Variants in CERS1 observed in about 807,000 individuals in gnomAD.
CERS1 encodes Embryonic growth/differentiation factor 1.
Under a neutral mutation model 35.7 loss-of-function variants are expected in CERS1, and 16 were observed. That is an observed-to-expected ratio of 0.45 (90% CI 0.30 to 0.68). The LOEUF is 0.68. Ranked by LOEUF, CERS1 falls within the 30% of genes least tolerant of loss-of-function variation. The pLI, the probability that CERS1 is intolerant of heterozygous loss-of-function variation, is 0.08. For synonymous variants in CERS1, 243 were observed against 201.6 expected (o/e 1.21, Z -1.74); for missense variants, 454 against 453.9 (o/e 1.00, Z 0.00).
At chr19:18,889,049 G>A (rs1422228766) in intron 2 of CERS1, among the ~76,000 whole-genome samples, 1 of 151,380 alleles carries the variant, frequency 6.6e-6, no homozygotes, top group Non-Finnish European at 1.5e-5. Context: ...GCATCCCCAC[G>A]CCTGGCTAAT....
intron 4 of CERS1, 85 bp from the exon 5 acceptor site, chr19:18,879,473 CT>C: frequency 6.8e-7 from 1 of 1,471,406 alleles, no homozygotes. Context: ...TAGACCCACC[CT>C]TGCCCCCTTA....
At chr19:18,888,896 T>C (rs2056427944) in intron 2 of CERS1, among the ~76,000 whole-genome samples, 1 of 148,358 alleles carries the variant, frequency 6.7e-6, no homozygotes, top group Non-Finnish European at 1.5e-5. Context: ...TTTCTTTTTT[T>C]TTTTTTTTTT....
In CERS1 at chr19:18,869,477, C is replaced by T. The variant is rs2055922375; in HGVS notation, c.*595-87G>A. 9.3e-6 allele frequency: 13 copies of T among 1,400,424 alleles called. No homozygotes were observed. The South Asian group carries it at 1.6e-4, about 17-fold the overall frequency. 86.7% of individuals were successfully genotyped at this position (1,400,424 alleles called of 1,614,324 possible). A position where few individuals can be genotyped will look rare whatever the true frequency, so the allele number is the denominator to read the frequency against. On this transcript the variant is annotated intron_variant, in intron 7 of 7. Transcript: ENST00000623882. ...GGTTAGGGACAGGGAGGAAGGTGAA[C>T]GCTGGGGCTCGGGGCGCACCGTCTG...
chr19:18,877,095 G>C (rs982362884), intron 6 of CERS1, among the ~76,000 whole-genome samples: 2 of 152,216 alleles, frequency 1.3e-5, no homozygotes, highest in Non-Finnish European at 2.9e-5. Context: ...AACTCCGGCT[G>C]TCCTTGGAGA....
chr19:18,871,430 C>T (rs965245374), intron 6 of CERS1, among the ~76,000 whole-genome samples: 6 of 152,074 alleles, frequency 3.9e-5, no homozygotes, highest in Non-Finnish European at 8.8e-5. Flanking sequence ...CCATATCACC[C>T]AAGCTGGTCT....
chr19:18,884,222 T>C lies in CERS1; in HGVS notation c.455A>G (p.Tyr152Cys), dbSNP rs774488577. The C allele has an allele frequency of 2.5e-6, 4 of 1,613,316 alleles. No homozygotes were observed. Among genetic ancestry groups the C allele is most frequent in the African/African-American group, 1.3e-5 (1 of 74,872 alleles). ...GCCATAGAAGCTTCCCTGGAGCAGG[T>C]AGGCGGCTGCAATGTCCCGTGGCAC... ...MAVPRDIAAAYLLQGSFYGHS... is the reference protein window; with the variant it reads ...MAVPRDIAAACLLQGSFYGHS... The change falls in exon 3 of 8, where the codon TAC becomes TGC. Residue 152 changes from tyrosine to cysteine, a missense_variant. Physicochemically the swap from Tyr to Cys is radical, Grantham distance 194. Coordinates refer to ENST00000623882, the MANE Select transcript of CERS1 (RefSeq NM_021267.5).
intron 2 of CERS1, among the ~76,000 whole-genome samples, chr19:18,887,805 T>C (rs2056397803): frequency 6.6e-6 from 1 of 151,672 alleles, no homozygotes; most frequent in Admixed American, 6.6e-5. Flanking sequence ...ATCTAAGCCA[T>C]TTGTTAAGTA....
At chr19:18,879,064 AGT>A (rs1347039819) in intron 5 of CERS1, 25 bp from the exon 6 acceptor site, 2 of 1,610,578 alleles carry the variant, frequency 1.2e-6, no homozygotes, top group Admixed American at 3.4e-5. Context: ...GGGAGGTGCC[AGT>A]GAGAAGAAAG....
At position 18,869,397 on chromosome 19, in the gene CERS1, A is replaced by C; in HGVS notation, c.*595-7T>G. 3.3e-6 allele frequency: 5 copies of C among 1,526,468 alleles called. No homozygotes were observed. In the East Asian group the frequency reaches 1.3e-4, roughly 38 times the overall value. 94.6% of individuals were successfully genotyped at this position (1,526,468 alleles called of 1,614,324 possible). A position where few individuals can be genotyped will look rare whatever the true frequency, so the allele number is the denominator to read the frequency against. Reference sequence around the variant, plus strand: ...GAGGCCCGGGTGGGCGCACCTGGGGAGGTAGGAACAGGAACTCGGCTCGCG... The same window carrying C: ...GAGGCCCGGGTGGGCGCACCTGGGGCGGTAGGAACAGGAACTCGGCTCGCG... On this transcript the variant is annotated splice_polypyrimidine_tract_variant and splice_region_variant and intron_variant, in intron 7 of 7. Transcript: ENST00000623882.
At position 18,873,940 on chromosome 19, in the gene CERS1, G is replaced by A. The variant is rs116471719; in HGVS notation, c.1011-3321C>T. On this transcript the variant is annotated intron_variant, in intron 6 of 7. Coordinates refer to ENST00000623882, the MANE Select transcript of CERS1 (RefSeq NM_021267.5). ...GACAGGAGTGGTCTTCGGGATGGGG[G>A]GAGGAAGATGGGGCACAGCTGGGTT... Among the ~76,000 whole-genome samples, 754 of 152,198 alleles carry A rather than the reference G, an allele frequency of 5.0e-3. 11 individuals are homozygous for A. Among genetic ancestry groups the A allele is most frequent in the African/African-American group, 0.017 (718 of 41,522 alleles).
At chr19:18,874,055 G>A (rs1013300356) in intron 6 of CERS1, among the ~76,000 whole-genome samples, 10 of 152,144 alleles carry the variant, frequency 6.6e-5, no homozygotes, top group Non-Finnish European at 1.3e-4. Flanking sequence ...CAGAGAGCAC[G>A]TTCTCTCCTG....
chr19:18,890,786 A>G lies in CERS1; in HGVS notation c.409+2630T>C, dbSNP rs1189573302. ...ACAGAGTAAGACCGCGTCTGGGGAA[A>G]AAAAAAAAAAAAAAAAAGCAGCTAA... On this transcript the variant is annotated intron_variant, in intron 2 of 7. Coordinates refer to ENST00000623882, the MANE Select transcript of CERS1 (RefSeq NM_021267.5). Among the ~76,000 whole-genome samples, 3 of 149,378 alleles carry G rather than the reference A, an allele frequency of 2.0e-5. No homozygotes were observed. The South Asian group carries it at 6.3e-4, about 32-fold the overall frequency.
intron 6 of CERS1, among the ~76,000 whole-genome samples, chr19:18,877,679 TG>T (rs1034372840): frequency 2.2e-5 from 3 of 138,336 alleles, no homozygotes; most frequent in African/African-American, 8.3e-5. Context: ...TTCCTGGGCC[TG>T]GGAGGCGGCG....
rs1220888315 is a variant in CERS1, at chr19:18,878,370, A to G, written c.1010+560T>C. On this transcript the variant is annotated intron_variant, in intron 6 of 7. Coordinates refer to ENST00000623882, the MANE Select transcript of CERS1 (RefSeq NM_021267.5). This position sits in a 1 kb window ranked among gnomAD's most constrained non-coding sequence, Gnocchi z 4.6. ...CCAGGGCTGGTGAGGCTCGTGGGCT[A>G]TCTCCTTCCCCAGGACTCCCACCTG... The G allele has an allele frequency of 9.1e-6, 9 of 985,768 alleles. No individual in the cohort carries two copies. The African/African-American group carries it at 1.6e-4, about 17-fold the overall frequency. 61.1% of individuals were successfully genotyped at this position (985,768 alleles called of 1,614,324 possible). A position where few individuals can be genotyped will look rare whatever the true frequency, so the allele number is the denominator to read the frequency against.
At chr19:18,885,967 T>TC (rs1038807130) in intron 2 of CERS1, among the ~76,000 whole-genome samples, 10 of 151,966 alleles carry the variant, frequency 6.6e-5, no homozygotes, top group Non-Finnish European at 1.3e-4. Context: ...GCCAAGCGGG[T>TC]CCTGCCTCAC....
At chr19:18,894,453 T>C (rs2056575690) in intron 1 of CERS1, among the ~76,000 whole-genome samples, 1 of 151,982 alleles carries the variant, frequency 6.6e-6, no homozygotes. Flanking sequence ...CGGCAGCCCC[T>C]CCACCCATTT....
Position 18,870,235 on chromosome 19 carries a change from G to T in CERS1, c.*342C>A, listed in dbSNP as rs774207034. Reference sequence around the variant, plus strand: ...GGGGGCACGGGGGCGCGGGTCAGGGGCAGCGAGGGCAGCAGCAGGGCCAGG... The same window carrying T: ...GGGGGCACGGGGGCGCGGGTCAGGGTCAGCGAGGGCAGCAGCAGGGCCAGG... On this transcript the variant is annotated 3_prime_UTR_variant, in exon 7 of 8. Transcript: ENST00000623882. The surrounding 1 kb of genome is among the most constrained non-coding windows in gnomAD (Gnocchi z 5.1). The T allele has an allele frequency of 1.9e-6, 3 of 1,552,698 alleles. No homozygotes were observed. In the South Asian group the frequency reaches 3.5e-5, roughly 18 times the overall value.
At chr19:18,884,643 A>G (rs373896836) in intron 2 of CERS1, among the ~76,000 whole-genome samples, 4 of 148,208 alleles carry the variant, frequency 2.7e-5, no homozygotes, top group African/African-American at 1.0e-4. Context: ...TCCTGACCTC[A>G]TGATTCACCT....
At chr19:18,885,859 G>A (rs2056344137) in intron 2 of CERS1, among the ~76,000 whole-genome samples, 1 of 152,114 alleles carries the variant, frequency 6.6e-6, no homozygotes, top group Admixed American at 6.6e-5. Flanking sequence ...CGGGTGTCCT[G>A]GGCCCACTCC....
Sources: gnomAD v4.1 joint callset for allele counts (sites outside exome capture counted in the v4.1 genomes callset) on GRCh38, gnomAD v4.1.1 for gene constraint, Gnocchi (gnomAD v3.1) non-coding constraint, MANE v1.5 for transcripts, NCBI Gene and HGNC (gene_info 2026-07-23, HGNC 2026-07-21) for gene names.